The following NEBL variants were observed in gnomAD, a reference collection of about 807,000 sequenced individuals.
NEBL encodes LIM and SH3 protein 2.
A neutral mutation model predicts 140.2 loss-of-function variants in NEBL; 122 were observed. That is an observed-to-expected ratio of 0.87 (90% CI 0.75 to 1.01). The LOEUF (loss-of-function observed/expected upper bound fraction) is 1.01. Among genes scored for constraint, NEBL ranks in the 50% least tolerant of loss-of-function variants. The pLI is 0.00. For synonymous variants in NEBL, 436 were observed against 398.9 expected, an observed-to-expected ratio of 1.09 and a Z score of -1.11; for missense variants, 1,365 against 1,231.3, an observed-to-expected ratio of 1.11 and a Z score of -1.62.
chr10:20,915,559 T>C (rs992454566), intron 4 of NEBL, among the ~76,000 whole-genome samples: 4 of 151,756 alleles, frequency 2.6e-5, no homozygotes, highest in Non-Finnish European at 4.4e-5. Flanking sequence ...TCCAATTTCA[T>C]CCATGTCCCT....
At chr10:21,020,497 AC>A (rs1838744508) in intron 2 of NEBL, among the ~76,000 whole-genome samples, 1 of 151,818 alleles carries the variant, frequency 6.6e-6, no homozygotes, top group Admixed American at 6.6e-5. Context: ...CACCCCACAC[AC>A]CCTTCCAGCA....
upstream of NEBL, among the ~76,000 whole-genome samples, chr10:20,902,274 C>T (rs530528001): frequency 1.9e-3 from 296 of 151,980 alleles, no homozygotes; most frequent in Non-Finnish European, 3.6e-3. Flanking sequence ...GGCATGGTGG[C>T]GGGTGCCTGT....
intron 26 of NEBL, among the ~76,000 whole-genome samples, chr10:20,803,030 C>T (rs980163413): frequency 2.6e-5 from 4 of 152,166 alleles, no homozygotes; most frequent in East Asian, 1.9e-4. Flanking sequence ...TCCAATGTCT[C>T]GTCCTCCAGT....
chr10:21,200,531 C>G (rs965674369), intron 3 of NEBL, among the ~76,000 whole-genome samples: 2 of 152,058 alleles, frequency 1.3e-5, no homozygotes, highest in Non-Finnish European at 2.9e-5. Context: ...TCAGGCTGGT[C>G]TCGAACTCCT....
chr10:21,133,872 T>G (rs767254915), intron 2 of NEBL, among the ~76,000 whole-genome samples: 5 of 152,212 alleles, frequency 3.3e-5, no homozygotes, highest in Admixed American at 6.5e-5. Flanking sequence ...ATCTTTGTCC[T>G]GTGTATAAGT....
chr10:21,223,855 C>T (rs60758158), intron 3 of NEBL, among the ~76,000 whole-genome samples: 4,486 of 152,124 alleles, frequency 0.029, 193 homozygotes, highest in African/African-American at 0.093. Context: ...ATGTCTATTC[C>T]GATCTTTCAC....
At position 20,783,016 on chromosome 10, in the gene NEBL, G is replaced by C. The variant is rs560497009; in HGVS notation, c.*2731C>G. Reference sequence around the variant, plus strand: ...TTGAGAACACATCAAACTTTAGAAAGTCAGGTGCATGCTCTCTGTGCTTGG... The same window carrying C: ...TTGAGAACACATCAAACTTTAGAAACTCAGGTGCATGCTCTCTGTGCTTGG... On this transcript the variant is annotated 3_prime_UTR_variant, in exon 28 of 28. Transcript: ENST00000377122. The C allele has an allele frequency of 2.6e-5, 4 of 152,726 alleles. No individual in the cohort carries two copies. The highest frequency in any genetic ancestry group is 9.6e-5 in the African/African-American group (4 of 41,566). 9.5% of individuals were successfully genotyped at this position (152,726 alleles called of 1,614,324 possible).
rs1469452568 is a variant in NEBL at position 20,831,413 on chromosome 10, C to A, written c.1560+60G>T. The stretch of plus-strand genomic sequence containing the variant: ...CACCCATGTGGAAAGAAAACTTATG[C>A]TCTTTCCAGCTATGATTCACGGCAT... On this transcript the variant is annotated intron_variant, in intron 15 of 27. Transcript: ENST00000377122. 4 of 1,509,384 alleles carry A rather than the reference C, an allele frequency of 2.7e-6. No individual in the cohort carries two copies. In the African/African-American group the frequency reaches 5.5e-5, roughly 21 times the overall value. 93.5% of individuals were successfully genotyped at this position (1,509,384 alleles called of 1,614,324 possible). A position where few individuals can be genotyped will look rare whatever the true frequency, so the allele number is the denominator to read the frequency against.
At chr10:20,922,634 G>A (rs1241862283) in intron 4 of NEBL, among the ~76,000 whole-genome samples, 1 of 152,330 alleles carries the variant, frequency 6.6e-6, no homozygotes, top group South Asian at 2.1e-4. Flanking sequence ...GGCAGCTGAC[G>A]TGCTAACGCA....
intron 2 of NEBL, among the ~76,000 whole-genome samples, chr10:21,063,115 G>A (rs928078044): frequency 5.3e-5 from 8 of 152,090 alleles, no homozygotes; most frequent in East Asian, 1.9e-4. Context: ...ACATAACTGC[G>A]GGTGCTCCAT....
chr10:20,913,044 G>A (rs1221082107), intron 4 of NEBL, among the ~76,000 whole-genome samples: 4 of 152,100 alleles, frequency 2.6e-5, no homozygotes, highest in Admixed American at 1.3e-4. Context: ...TTACAGGCAT[G>A]AGCCACCATG....
chr10:21,175,034 A>G (rs377658800), upstream of NEBL: 2 of 152,250 alleles, frequency 1.3e-5, no homozygotes, highest in East Asian at 3.8e-4. Flanking sequence ...AGTCCAAACC[A>G]GAAGAGCCAG....
At chr10:21,052,760 T>C (rs1400943671) in intron 2 of NEBL, among the ~76,000 whole-genome samples, 1 of 152,186 alleles carries the variant, frequency 6.6e-6, no homozygotes. Context: ...TCTCCAGCCA[T>C]GTTCTGTAGA....
intron 3 of NEBL, among the ~76,000 whole-genome samples, chr10:20,987,564 A>C (rs1323019484): frequency 1.3e-5 from 2 of 151,968 alleles, no homozygotes; most frequent in Non-Finnish European, 2.9e-5. Context: ...TCTGCCTCCC[A>C]CCACCAGAGC....
chr10:20,885,919 G>A (rs559372220), intron 4 of NEBL, among the ~76,000 whole-genome samples: 4 of 152,284 alleles, frequency 2.6e-5, no homozygotes, highest in South Asian at 4.1e-4. Context: ...TTGCATAACC[G>A]AGATTAGTTT....
At chr10:20,953,103 G>C (rs1161600279) in intron 4 of NEBL, among the ~76,000 whole-genome samples, 1 of 152,016 alleles carries the variant, frequency 6.6e-6, no homozygotes, top group Non-Finnish European at 1.5e-5. Context: ...TTCAGCCCTG[G>C]TATGGACTGA....
chr10:21,180,199 G>A (rs1841366021), intron 3 of NEBL, among the ~76,000 whole-genome samples: 1 of 152,030 alleles, frequency 6.6e-6, no homozygotes, highest in South Asian at 2.1e-4. Flanking sequence ...CCTCCTGAAG[G>A]AACATGCCCC....
intron 2 of NEBL, among the ~76,000 whole-genome samples, chr10:21,131,199 G>A (rs898376117): frequency 6.6e-6 from 1 of 152,138 alleles, no homozygotes; most frequent in African/African-American, 2.4e-5. Context: ...AGAGGAAATA[G>A]ACAATCTGAA....
intron 14 of NEBL, among the ~76,000 whole-genome samples, chr10:20,831,826 G>C (rs1012131061): frequency 2.0e-5 from 3 of 152,012 alleles, no homozygotes; most frequent in Non-Finnish European, 4.4e-5. Flanking sequence ...AAAAAACACA[G>C]CTAGCCAAGG....
Sources: allele counts gnomAD v4.1 joint callset (sites outside exome capture counted in the v4.1 genomes callset), GRCh38; gene constraint gnomAD v4.1.1; transcripts MANE v1.5; gene names NCBI Gene and HGNC (gene_info 2026-07-23, HGNC 2026-07-21).